Variants in RALYL observed in about 807,000 individuals in gnomAD.
The protein encoded by RALYL is RALY RNA binding protein like, also known as RNA-binding Raly-like protein.
A neutral mutation model predicts 35.1 loss-of-function variants in RALYL; 29 were observed. That is an observed-to-expected ratio of 0.83 (90% CI 0.61 to 1.13). The LOEUF is 1.13. Among genes scored for constraint, RALYL ranks in the 50% most tolerant of loss-of-function variants. The pLI, the probability that RALYL is intolerant of heterozygous loss-of-function variation, is 0.00. For missense variants in RALYL, 359 were observed against 360.4 expected (o/e 1.00, Z 0.03); for synonymous variants, 120 against 127.6 (o/e 0.94, Z 0.40).
chr8:84,834,138 G>A (rs1831475152), intron 4 of RALYL, among the ~76,000 whole-genome samples: 1 of 152,150 alleles, frequency 6.6e-6, no homozygotes, highest in Non-Finnish European at 1.5e-5. Context: ...ATGGACAAGT[G>A]TACTCTTCGA....
intron 2 of RALYL, among the ~76,000 whole-genome samples, chr8:84,569,232 T>G (rs943393602): frequency 1.3e-5 from 2 of 151,992 alleles, no homozygotes; most frequent in Non-Finnish European, 2.9e-5. Flanking sequence ...GTATAAGGTG[T>G]AAGGAAGGGA....
chr8:84,378,702 A>G (rs1857388260), intron 1 of RALYL, among the ~76,000 whole-genome samples: 1 of 151,768 alleles, frequency 6.6e-6, no homozygotes, highest in South Asian at 2.1e-4. Flanking sequence ...TCTAGCTGAT[A>G]TGCCTTTTTG....
intron 1 of RALYL, among the ~76,000 whole-genome samples, chr8:84,426,423 G>A (rs548443898): frequency 3.8e-4 from 45 of 118,940 alleles, no homozygotes; most frequent in African/African-American, 1.0e-3. Flanking sequence ...ACTCTTTTGC[G>A]TTCTCTCTCT....
chr8:84,330,435 TC>T lies in RALYL; in HGVS notation c.-24+146012del, dbSNP rs200705230. Reference sequence around the variant, plus strand: ...CATAAAGATTCATGCATAAATTTGCTCATCATAGCATTGTTGATACTGTGAA... The same window carrying T: ...CATAAAGATTCATGCATAAATTTGCTATCATAGCATTGTTGATACTGTGAA... On this transcript the variant is annotated intron_variant, in intron 1 of 8. Transcript: ENST00000521268. Among the ~76,000 whole-genome samples, 1,175 of 152,194 alleles carry T rather than the reference TC, an allele frequency of 7.7e-3. 18 individuals are homozygous for T. The highest frequency in any genetic ancestry group is 0.027 in the African/African-American group (1,130 of 41,544).
chr8:84,238,128 G>C (rs931363185), intron 1 of RALYL, among the ~76,000 whole-genome samples: 1 of 152,036 alleles, frequency 6.6e-6, no homozygotes, highest in Non-Finnish European at 1.5e-5. Flanking sequence ...AAAATATTTT[G>C]TAGAATGACC....
chr8:84,281,595 A>G (rs562193130), intron 1 of RALYL, among the ~76,000 whole-genome samples: 5 of 152,116 alleles, frequency 3.3e-5, no homozygotes, highest in South Asian at 4.1e-4. Context: ...ATTATTAAAC[A>G]TGTTTGGGAA....
chr8:84,893,123 T>C (rs1246456508), intron 8 of RALYL, among the ~76,000 whole-genome samples: 2 of 152,180 alleles, frequency 1.3e-5, no homozygotes, highest in African/African-American at 4.8e-5. Context: ...ATAGCCACTA[T>C]GGTCAATAAA....
intron 1 of RALYL, among the ~76,000 whole-genome samples, chr8:84,191,694 G>A (rs1202466377): frequency 6.6e-6 from 1 of 152,176 alleles, no homozygotes; most frequent in Non-Finnish European, 1.5e-5. Flanking sequence ...TGAATTTCAA[G>A]AGTGAATATA....
At chr8:84,295,924 A>G (rs1839666875) in intron 1 of RALYL, among the ~76,000 whole-genome samples, 1 of 152,124 alleles carries the variant, frequency 6.6e-6, no homozygotes, top group Non-Finnish European at 1.5e-5. Context: ...TGTGGAAGGG[A>G]CACTACCAGG....
At position 84,732,683 on chromosome 8, in the gene RALYL, T is replaced by TATATATATATATATATACACACACACAC; in HGVS notation, c.257-41895_257-41894insTATATATATATATATACACACACACACA. Among the ~76,000 whole-genome samples, 140 of 133,220 alleles carry TATATATATATATATATACACACACACAC rather than the reference T, an allele frequency of 1.1e-3. 2 individuals are homozygous for TATATATATATATATATACACACACACAC. Among genetic ancestry groups the TATATATATATATATATACACACACACAC allele is most frequent in the Middle Eastern group, 7.2e-3 (2 of 276 alleles). The allele number at this position is 133,220 out of a possible 152,430, so 87.4% of individuals were successfully genotyped here. The stretch of plus-strand genomic sequence containing the variant: ...TATTAAATAATTATATATATATATA[T>TATATATATATATATATACACACACACAC]ACACACACACACACATATATATAAT... On this transcript the variant is annotated intron_variant, in intron 2 of 8. Transcript: ENST00000521268.
At chr8:84,483,884 A>G (rs2054313640) in intron 1 of RALYL, among the ~76,000 whole-genome samples, 2 of 152,138 alleles carry the variant, frequency 1.3e-5, no homozygotes, top group African/African-American at 4.8e-5. Flanking sequence ...TGTTTTATAC[A>G]TTCTCTGTTC....
chr8:84,641,281 T>C (rs1826259632), intron 2 of RALYL, among the ~76,000 whole-genome samples: 1 of 151,734 alleles, frequency 6.6e-6, no homozygotes, highest in African/African-American at 2.4e-5. Flanking sequence ...AACATAAGAA[T>C]ACAACTTACA....
intron 2 of RALYL, among the ~76,000 whole-genome samples, chr8:84,633,927 C>T (rs1040746542): frequency 1.3e-5 from 2 of 151,696 alleles, no homozygotes; most frequent in Admixed American, 6.6e-5. Context: ...CTTGACTTCA[C>T]GAAATTACAG....
At chr8:84,608,762 T>G (rs1817685677) in intron 2 of RALYL, among the ~76,000 whole-genome samples, 1 of 152,132 alleles carries the variant, frequency 6.6e-6, no homozygotes, top group Non-Finnish European at 1.5e-5. Flanking sequence ...GAAATGTCTG[T>G]GTTGATGACC....
chr8:84,215,011 T>C (rs1264012133), intron 1 of RALYL, among the ~76,000 whole-genome samples: 1 of 152,058 alleles, frequency 6.6e-6, no homozygotes, highest in East Asian at 1.9e-4. Context: ...GTTCATGCCA[T>C]TCTCCTGCCT....
intron 2 of RALYL, among the ~76,000 whole-genome samples, chr8:84,573,418 G>T (rs1808515345): frequency 6.6e-6 from 1 of 151,696 alleles, no homozygotes; most frequent in Admixed American, 6.6e-5. Context: ...TGAGAAAACT[G>T]TGGTAATCTT....
intron 2 of RALYL, among the ~76,000 whole-genome samples, chr8:84,713,584 A>G (rs1842520543): frequency 6.6e-6 from 1 of 151,960 alleles, no homozygotes. Flanking sequence ...AAGTGACAAC[A>G]AGTGTCAGTG....
At chr8:84,250,407 C>T (rs1414837556) in intron 1 of RALYL, among the ~76,000 whole-genome samples, 5 of 151,058 alleles carry the variant, frequency 3.3e-5, no homozygotes, top group African/African-American at 1.2e-4. Flanking sequence ...CTCCCATTGC[C>T]CAGGCTGGAG....
At chr8:84,711,990 TAA>T (rs1406376472) in intron 2 of RALYL, among the ~76,000 whole-genome samples, 1 of 152,194 alleles carries the variant, frequency 6.6e-6, no homozygotes, top group Non-Finnish European at 1.5e-5. Context: ...ATCTAGGTTT[TAA>T]AACTTTTTTT....
Sources: gnomAD v4.1 joint callset for allele counts (sites outside exome capture counted in the v4.1 genomes callset) on GRCh38, gnomAD v4.1.1 for gene constraint, MANE v1.5 for transcripts, NCBI Gene and HGNC (gene_info 2026-07-23, HGNC 2026-07-21) for gene names.